The following PPM1D variants were observed in gnomAD, a reference collection of about 807,000 sequenced individuals.
The protein encoded by PPM1D is protein phosphatase, Mg2+/Mn2+ dependent 1D.
Under a neutral mutation model 58.3 loss-of-function variants are expected in PPM1D, and 52 were observed. That is an observed-to-expected ratio of 0.89 (90% CI 0.71 to 1.12). The LOEUF is 1.12. Ranked by LOEUF, PPM1D falls within the 50% of genes most tolerant of loss-of-function variation. The probability of loss-of-function intolerance (pLI) is 0.00; values close to 1 mark genes in which losing one functional copy is unlikely to be tolerated. For synonymous variants in PPM1D, 278 were observed against 285.1 expected, an observed-to-expected ratio of 0.98 and a Z score of 0.25; for missense variants, 564 against 777.2, an observed-to-expected ratio of 0.73 and a Z score of 3.26.
chr17:60,613,236 A>G (rs1300923630), intron 1 of PPM1D, among the ~76,000 whole-genome samples: 2 of 152,084 alleles, frequency 1.3e-5, no homozygotes, highest in Non-Finnish European at 2.9e-5. Flanking sequence ...ATTTCTTCAG[A>G]AAAAAAATTC....
chr17:60,617,129 T>A (rs867468231), intron 1 of PPM1D, among the ~76,000 whole-genome samples: 192 of 133,468 alleles, frequency 1.4e-3, no homozygotes, highest in Middle Eastern at 3.9e-3. Flanking sequence ...AAAAAAAAAA[T>A]TTTTTTTTTT....
intron 1 of PPM1D, among the ~76,000 whole-genome samples, chr17:60,614,731 C>A (rs2030545448): frequency 6.6e-6 from 1 of 152,176 alleles, no homozygotes; most frequent in Admixed American, 6.5e-5. Context: ...CACCAACCCA[C>A]CAGAAGGAAC....
intron 3 of PPM1D, among the ~76,000 whole-genome samples, chr17:60,644,179 A>G (rs1457148144): frequency 6.6e-6 from 1 of 150,748 alleles, no homozygotes; most frequent in Non-Finnish European, 1.5e-5. Context: ...GTGCCTGGCA[A>G]AAGAACTATC....
intron 3 of PPM1D, among the ~76,000 whole-genome samples, chr17:60,643,442 A>G (rs891438459): frequency 6.6e-6 from 1 of 152,186 alleles, no homozygotes; most frequent in Non-Finnish European, 1.5e-5. Flanking sequence ...ATAAAGTAAA[A>G]TAAACTGTCA....
Position 60,663,634 on chromosome 17 carries a change from T to A in PPM1D, c.*82T>A. On this transcript the variant is annotated 3_prime_UTR_variant, in exon 6 of 6. Transcript: ENST00000305921. ...TTTGGTGCCGATGTTGAACTTTTTT[T>A]AAGGGGAGAAAATTAAAAGAAATAT... 1 of 1,400,192 alleles carries A rather than the reference T, an allele frequency of 7.1e-7. No individual in the cohort carries two copies. 86.7% of individuals were successfully genotyped at this position (1,400,192 alleles called of 1,614,324 possible). A position where few individuals can be genotyped will look rare whatever the true frequency, so the allele number is the denominator to read the frequency against.
intron 3 of PPM1D, among the ~76,000 whole-genome samples, chr17:60,637,241 TTTTC>T (rs774478012): frequency 5.3e-5 from 8 of 151,978 alleles, no homozygotes; most frequent in Non-Finnish European, 1.2e-4. Flanking sequence ...TCTTTTTTCT[TTTTC>T]TTTCTTTCTT....
At chr17:60,606,924 G>C (rs2143621477) in intron 1 of PPM1D, among the ~76,000 whole-genome samples, 1 of 152,104 alleles carries the variant, frequency 6.6e-6, no homozygotes, top group Non-Finnish European at 1.5e-5. Flanking sequence ...AGCCTCTGAA[G>C]TAGCTGAGAC....
At chr17:60,633,797 T>G in intron 2 of PPM1D, 56 bp from the exon 3 acceptor site, 1 of 1,443,856 alleles carries the variant, frequency 6.9e-7, no homozygotes, top group Admixed American at 2.0e-5. Flanking sequence ...TACTGAGCTA[T>G]CTTAGTTGTT....
intron 1 of PPM1D, among the ~76,000 whole-genome samples, chr17:60,607,280 T>G (rs2030350603): frequency 6.6e-6 from 1 of 152,124 alleles, no homozygotes; most frequent in African/African-American, 2.4e-5. Flanking sequence ...TTTTTGTTTG[T>G]TTTGTTTTGT....
At chr17:60,640,450 G>A (rs1166928210) in intron 3 of PPM1D, among the ~76,000 whole-genome samples, 1 of 152,216 alleles carries the variant, frequency 6.6e-6, no homozygotes, top group Non-Finnish European at 1.5e-5. Flanking sequence ...TGTAAAGCAT[G>A]TGGTTCATTG....
At position 60,665,031 on chromosome 17, in the gene PPM1D, G is replaced by A. The variant is rs1369162990; in HGVS notation, c.*1479G>A. The A allele has an allele frequency of 1.3e-5, 2 of 151,696 alleles. No homozygotes were observed. The highest frequency in any genetic ancestry group is 2.9e-5 in the Non-Finnish European group (2 of 68,032). 9.4% of individuals were successfully genotyped at this position (151,696 alleles called of 1,614,324 possible). ...CTGTCATCCAGGCTGGAGTGCAGTG[G>A]TGTGATCTCGGCTCCCTGCAACCTC... On this transcript the variant is annotated 3_prime_UTR_variant, in exon 6 of 6. Transcript: ENST00000305921.
At chr17:60,650,045 C>G (rs2031315663) in intron 4 of PPM1D, among the ~76,000 whole-genome samples, 1 of 152,064 alleles carries the variant, frequency 6.6e-6, no homozygotes. Flanking sequence ...TTGGAAGAAC[C>G]TATTTATGAA....
chr17:60,602,056 C>T (rs986126979), intron 1 of PPM1D, among the ~76,000 whole-genome samples: 1 of 152,148 alleles, frequency 6.6e-6, no homozygotes, highest in Non-Finnish European at 1.5e-5. Context: ...GTAGATTAGC[C>T]GGTTTCAAAG....
chr17:60,647,048 C>A (rs938584472), intron 3 of PPM1D, among the ~76,000 whole-genome samples: 2 of 152,184 alleles, frequency 1.3e-5, no homozygotes. Flanking sequence ...AAGTTCTCAT[C>A]TTGTCCTTTT....
rs768225642 is a variant in PPM1D at position 60,626,852 on chromosome 17, T to G, written c.701+3103T>G. Among the ~76,000 whole-genome samples, 25 of 152,158 alleles carry G rather than the reference T, an allele frequency of 1.6e-4. 1 individual carries two copies. Among genetic ancestry groups the G allele is most frequent in the Non-Finnish European group, 1.3e-4 (9 of 68,034 alleles). The stretch of plus-strand genomic sequence containing the variant: ...AGCCACGTGCCCAGCTTCAGTAATG[T>G]TTTAATTTGAATTTATCTTATGAGA... On this transcript the variant is annotated intron_variant, in intron 2 of 5. Transcript: ENST00000305921.
rs372120507 is a variant in PPM1D, at chr17:60,606,782, A to T, written c.472+5896A>T. Among the ~76,000 whole-genome samples, 7 of 152,086 alleles carry T rather than the reference A, an allele frequency of 4.6e-5. No individual in the cohort carries two copies. The East Asian group carries it at 9.6e-4, about 21-fold the overall frequency. Reference sequence around the variant, plus strand: ...ATTTGGTAAATACAGTATGGAATGAAAGAGTATATAAATATATTCTTTTTT... The same window carrying T: ...ATTTGGTAAATACAGTATGGAATGATAGAGTATATAAATATATTCTTTTTT... On this transcript the variant is annotated intron_variant, in intron 1 of 5. Coordinates refer to ENST00000305921, the MANE Select transcript of PPM1D (RefSeq NM_003620.4).
chr17:60,642,352 ATTTTTTTTTTTT>A (rs760188816), intron 3 of PPM1D, among the ~76,000 whole-genome samples: 1 of 124,874 alleles, frequency 8.0e-6, no homozygotes, highest in Non-Finnish European at 1.7e-5. Context: ...AGAAGAATGG[ATTTTTTTTTTTT>A]TTTTTTTTTT....
intron 3 of PPM1D, among the ~76,000 whole-genome samples, chr17:60,644,328 G>T (rs951449300): frequency 6.6e-6 from 1 of 151,802 alleles, no homozygotes; most frequent in Non-Finnish European, 1.5e-5. Flanking sequence ...TAAAGATGGG[G>T]TTTCACTGTG....
At chr17:60,600,915 C>T (rs544337689) in intron 1 of PPM1D, 29 bp downstream of exon 1, 1 of 1,612,520 alleles carries the variant, frequency 6.2e-7, no homozygotes, top group East Asian at 2.2e-5. Context: ...TTGGCGCCCG[C>T]CCCTTTTTCA....
Sources: allele counts gnomAD v4.1 joint callset (sites outside exome capture counted in the v4.1 genomes callset), GRCh38; gene constraint gnomAD v4.1.1; transcripts MANE v1.5; gene names NCBI Gene and HGNC (gene_info 2026-07-23, HGNC 2026-07-21).